The following UTRN variants were observed in gnomAD, a reference collection of about 807,000 sequenced individuals.
UTRN encodes dystrophin-related protein 1.
In UTRN, 283 loss-of-function variants were observed where a neutral mutation model predicts 463.9. The observed-to-expected ratio is 0.61, with a 90% CI of 0.55 to 0.67. The LOEUF (loss-of-function observed/expected upper bound fraction) is 0.67, where lower values mean the gene tolerates loss of function less well. UTRN is among the 30% of genes least tolerant of loss of function. The pLI is 0.00. For missense variants in UTRN, 3,922 were observed against 4,084.3 expected (o/e 0.96, Z 1.08); for synonymous variants, 1,442 against 1,431.5 (o/e 1.01, Z -0.17).
At chr6:144,446,227 C>T (rs899062672) in intron 14 of UTRN, among the ~76,000 whole-genome samples, 7 of 152,088 alleles carry the variant, frequency 4.6e-5, no homozygotes, top group Admixed American at 1.3e-4. Flanking sequence ...ACTGACCTTT[C>T]ATCGTGTTCT....
intron 9 of UTRN, among the ~76,000 whole-genome samples, chr6:144,431,523 A>G (rs191668502): frequency 6.6e-6 from 1 of 152,352 alleles, no homozygotes; most frequent in Non-Finnish European, 1.5e-5. Flanking sequence ...TTCTACAAAC[A>G]TACGCTGGTG....
At chr6:144,517,215 T>G (rs1347606387) in intron 39 of UTRN, among the ~76,000 whole-genome samples, 1 of 152,074 alleles carries the variant, frequency 6.6e-6, no homozygotes, top group African/African-American at 2.4e-5. Context: ...CAGAAGTGGC[T>G]TCCTCCAATT....
In UTRN at chr6:144,488,607, A is replaced by AAT. The variant is rs750808793; in HGVS notation, c.3973-57_3973-56dup. 6.5e-4 allele frequency: 986 copies of AAT among 1,512,878 alleles called. 1 individual carries two copies. Among genetic ancestry groups the AAT allele is most frequent in the Non-Finnish European group, 8.2e-4 (918 of 1,119,978 alleles). 93.7% of individuals were successfully genotyped at this position (1,512,878 alleles called of 1,614,324 possible). ...TTTATGGTCTTTTCTTAGTGGCCAG[A>AAT]ATATATATATTCTGCTATTTATATT... is the stretch of plus-strand genomic sequence containing the variant. On this transcript the variant is annotated intron_variant, in intron 29 of 74. Coordinates refer to ENST00000367545, the MANE Select transcript of UTRN (RefSeq NM_007124.3).
chr6:144,644,568 T>A (rs957712822), intron 51 of UTRN, among the ~76,000 whole-genome samples: 1 of 152,202 alleles, frequency 6.6e-6, no homozygotes, highest in Non-Finnish European at 1.5e-5. Context: ...GGCTATATAT[T>A]AGTCATATAT....
chr6:144,646,212 T>G (rs1253260671), intron 51 of UTRN, among the ~76,000 whole-genome samples: 1 of 152,236 alleles, frequency 6.6e-6, no homozygotes, highest in Non-Finnish European at 1.5e-5. Flanking sequence ...TATTGAGGCA[T>G]GTTTTTCCAC....
chr6:144,686,124 G>A (rs1175788351), intron 52 of UTRN, among the ~76,000 whole-genome samples: 1 of 152,080 alleles, frequency 6.6e-6, no homozygotes, highest in African/African-American at 2.4e-5. Flanking sequence ...TGACTTTCCA[G>A]TGTTCCCAGC....
At chr6:144,334,274 C>T (rs2114613053) in intron 2 of UTRN, among the ~76,000 whole-genome samples, 1 of 121,932 alleles carries the variant, frequency 8.2e-6, no homozygotes, top group East Asian at 2.6e-4. Flanking sequence ...GAGTCACTTG[C>T]TTTCATTTCC....
At chr6:144,817,884 TAAATA>T (rs1779222355) in intron 65 of UTRN, among the ~76,000 whole-genome samples, 1 of 152,206 alleles carries the variant, frequency 6.6e-6, no homozygotes, top group Admixed American at 6.5e-5. Flanking sequence ...TAAAAACATG[TAAATA>T]TGAGTATTAT....
At chr6:144,360,077 C>CTTCCA (rs1562292296) in intron 2 of UTRN, among the ~76,000 whole-genome samples, 1 of 105,906 alleles carries the variant, frequency 9.4e-6, no homozygotes, top group Admixed American at 1.0e-4. Context: ...CTTCCCTTCC[C>CTTCCA]TTCCCTTCCC....
Position 144,555,993 on chromosome 6 carries a change from A to C in UTRN, c.7134+1100A>C, listed in dbSNP as rs925838023. ...ACTGTTTTATCAATTTCGTAATAGCAGACATCTTTTTTGTCATCAGTTCAG... is the reference window on the plus strand; with the variant it reads ...ACTGTTTTATCAATTTCGTAATAGCCGACATCTTTTTTGTCATCAGTTCAG... On this transcript the variant is annotated intron_variant, in intron 49 of 74. Coordinates refer to ENST00000367545, the MANE Select transcript of UTRN (RefSeq NM_007124.3). Among the ~76,000 whole-genome samples, 22 of 152,210 alleles carry C rather than the reference A, an allele frequency of 1.4e-4. 1 individual carries two copies. Among genetic ancestry groups the C allele is most frequent in the African/African-American group, 5.1e-4 (21 of 41,450 alleles).
chr6:144,780,865 C>G (rs1161601017), intron 60 of UTRN, among the ~76,000 whole-genome samples: 1 of 152,210 alleles, frequency 6.6e-6, no homozygotes, highest in African/African-American at 2.4e-5. Context: ...AAGTACTTCT[C>G]TAAACCTGGA....
intron 3 of UTRN, among the ~76,000 whole-genome samples, chr6:144,407,999 T>C (rs995706133): frequency 2.0e-4 from 31 of 152,334 alleles, no homozygotes; most frequent in Non-Finnish European, 1.9e-4. Flanking sequence ...TATTAGTCAA[T>C]TTTTTCAGAT....
At chr6:144,840,900 C>A in intron 73 of UTRN, 68 bp downstream of exon 73, 1 of 1,535,908 alleles carries the variant, frequency 6.5e-7, no homozygotes, top group South Asian at 1.1e-5. Context: ...CTGCATGCGG[C>A]CCTTCGCCTT....
chr6:144,715,245 A>C (rs1786269067), intron 53 of UTRN, among the ~76,000 whole-genome samples: 1 of 152,208 alleles, frequency 6.6e-6, no homozygotes, highest in Non-Finnish European at 1.5e-5. Flanking sequence ...GTAACAAATA[A>C]TAATCACCTT....
intron 51 of UTRN, among the ~76,000 whole-genome samples, chr6:144,612,931 G>T (rs1805678952): frequency 6.6e-6 from 1 of 152,044 alleles, no homozygotes; most frequent in Non-Finnish European, 1.5e-5. Flanking sequence ...ATTCACAATA[G>T]CCAAGATATG....
intron 62 of UTRN, among the ~76,000 whole-genome samples, chr6:144,791,914 A>C (rs1407310861): frequency 6.6e-6 from 1 of 152,198 alleles, no homozygotes; most frequent in Non-Finnish European, 1.5e-5. Flanking sequence ...ACTTTTCTGC[A>C]AAGATTATTA....
At chr6:144,833,624 T>C (rs1240838106) in intron 69 of UTRN, among the ~76,000 whole-genome samples, 1 of 152,242 alleles carries the variant, frequency 6.6e-6, no homozygotes, top group Admixed American at 6.5e-5. Flanking sequence ...CTATCTACTA[T>C]ATCTTTACGC....
chr6:144,714,418 C>T (rs1786148621), intron 53 of UTRN, among the ~76,000 whole-genome samples: 1 of 152,178 alleles, frequency 6.6e-6, no homozygotes, highest in Non-Finnish European at 1.5e-5. Context: ...GCTAAAGAAG[C>T]CTGCTGTACC....
intron 2 of UTRN, among the ~76,000 whole-genome samples, chr6:144,303,254 A>G (rs1805448331): frequency 6.6e-6 from 1 of 152,230 alleles, no homozygotes. Context: ...CAAAGCCTCA[A>G]TGTAAACTTC....
Sources: gnomAD v4.1 joint callset for allele counts (sites outside exome capture counted in the v4.1 genomes callset) on GRCh38, gnomAD v4.1.1 for gene constraint, MANE v1.5 for transcripts, NCBI Gene and HGNC (gene_info 2026-07-23, HGNC 2026-07-21) for gene names.